Variants in PATE4 observed in about 807,000 individuals in gnomAD.
The protein encoded by PATE4 is prostate and testis expressed 4.
A neutral mutation model predicts 8.5 loss-of-function variants in PATE4; 13 were observed. That is an observed-to-expected ratio of 1.53 (90% confidence interval 1.00 to 2.43). The LOEUF is 2.43. Among genes scored for constraint, PATE4 ranks in the 30% most tolerant of loss-of-function variants. The pLI, the probability that PATE4 is intolerant of heterozygous loss-of-function variation, is 0.00. For synonymous variants in PATE4, 47 were observed against 39.3 expected, an observed-to-expected ratio of 1.20 and a Z score of -0.73; for missense variants, 127 against 115.5, an observed-to-expected ratio of 1.10 and a Z score of -0.46.
At position 125,839,325 on chromosome 11, in the gene PATE4, A is replaced by G. The variant is rs1170995018; in HGVS notation, c.*898A>G. 2 of 152,250 alleles carry G rather than the reference A, an allele frequency of 1.3e-5. No individual in the cohort carries two copies. Among genetic ancestry groups the G allele is most frequent in the African/African-American group, 4.8e-5 (2 of 41,458 alleles). The allele number at this position is 152,250 out of a possible 1,614,324, so 9.4% of individuals were successfully genotyped here. A position where few individuals can be genotyped will look rare whatever the true frequency, so the allele number is the denominator to read the frequency against. On this transcript the variant is annotated 3_prime_UTR_variant, in exon 3 of 3. Transcript: ENST00000457514. ...TGACCTGCAGGAAGAGAGGAATAAC[A>G]GAGCACATGCTATGAATAAATGTGG... is the stretch of plus-strand genomic sequence containing the variant.
chr11:125,838,165 T>TA, intron 2 of PATE4, 141 bp from the exon 3 acceptor site: 1 of 1,078,626 alleles, frequency 9.3e-7, no homozygotes, highest in Non-Finnish European at 1.3e-6. Context: ...CAGAGCCAGT[T>TA]ACGGTGGCGA....
At chr11:125,835,624 C>A (rs1364932749) in intron 1 of PATE4, 1 of 152,094 alleles carries the variant, frequency 6.6e-6, no homozygotes, top group Non-Finnish European at 1.5e-5. Context: ...CCTGAAGAAC[C>A]CGCAAATGTT....
rs1943945844 is a variant in PATE4 at position 125,839,584 on chromosome 11, T to C, written c.*1157T>C. 6.6e-6 allele frequency: 1 copy of C among 152,640 alleles called. No individual in the cohort carries two copies. Among genetic ancestry groups the C allele is most frequent in the Non-Finnish European group, 1.5e-5 (1 of 68,426 alleles). 9.5% of individuals were successfully genotyped at this position (152,640 alleles called of 1,614,324 possible). ...AGGACATACCCACGACTGGGCAATT[T>C]ACGAAAGAAAGGGGTTTATCGGACT... On this transcript the variant is annotated 3_prime_UTR_variant, in exon 3 of 3. Transcript: ENST00000457514.
Position 125,833,346 on chromosome 11 carries a change from C to T in PATE4, c.-14C>T. ...CTCACTCAGCACACCGTCTGTCACC[C>T]AAACAAGCATCCAATGAGGAAAATG... On this transcript the variant is annotated 5_prime_UTR_variant, in exon 1 of 3. Transcript: ENST00000457514. 6.4e-7 allele frequency: 1 copy of T among 1,551,268 alleles called. No individual in the cohort carries two copies. Among genetic ancestry groups the T allele is most frequent in the African/African-American group, 1.4e-5 (1 of 73,152 alleles).
rs1943943081 is a variant in PATE4, at chr11:125,839,315, G to C, written c.*888G>C. 6.6e-6 allele frequency: 1 copy of C among 152,250 alleles called. No homozygotes were observed. Among genetic ancestry groups the C allele is most frequent in the South Asian group, 2.1e-4 (1 of 4,826 alleles). The allele number at this position is 152,250 out of a possible 1,614,324, so 9.4% of individuals were successfully genotyped here. A position where few individuals can be genotyped will look rare whatever the true frequency, so the allele number is the denominator to read the frequency against. On this transcript the variant is annotated 3_prime_UTR_variant, in exon 3 of 3. Coordinates refer to ENST00000457514, the MANE Select transcript of PATE4 (RefSeq NM_001144874.1). ...GGGCTTACAGTGACCTGCAGGAAGA[G>C]AGGAATAACAGAGCACATGCTATGA...
At chr11:125,837,757 A>G (rs1333035930) in intron 1 of PATE4, 111 bp from the exon 2 acceptor site, 5 of 651,866 alleles carry the variant, frequency 7.7e-6, no homozygotes, top group Admixed American at 2.7e-5. Flanking sequence ...ATACCAGCTA[A>G]TGGAGTGAGT....
chr11:125,837,709 C>T (rs1192930661), intron 1 of PATE4, among the ~76,000 whole-genome samples, 159 bp from the exon 2 acceptor site: 30 of 152,172 alleles, frequency 2.0e-4, no homozygotes. Flanking sequence ...CACCTCCTAG[C>T]TTAACTTACA....
chr11:125,833,733 C>T (rs561626628), intron 1 of PATE4, among the ~76,000 whole-genome samples: 2 of 152,256 alleles, frequency 1.3e-5, no homozygotes, highest in East Asian at 3.9e-4. Context: ...TTCCTTTCCT[C>T]TGGCTACTTC....
At chr11:125,834,246 A>G (rs958077289) in intron 1 of PATE4, among the ~76,000 whole-genome samples, 1 of 152,218 alleles carries the variant, frequency 6.6e-6, no homozygotes, top group African/African-American at 2.4e-5. Context: ...CATGAATATC[A>G]AAATATTCCT....
At chr11:125,833,680 TA>T (rs1272334821) in intron 1 of PATE4, among the ~76,000 whole-genome samples, 1 of 152,192 alleles carries the variant, frequency 6.6e-6, no homozygotes, top group Non-Finnish European at 1.5e-5. Context: ...CTTTCTTTCT[TA>T]ATATACTTTT....
chr11:125,838,076 C>T (rs1229995940), intron 2 of PATE4, 92 bp downstream of exon 2: 1 of 1,107,318 alleles, frequency 9.0e-7, no homozygotes, highest in Non-Finnish European at 1.3e-6. Context: ...TCATTTAGCT[C>T]TGCTAGGAGG....
chr11:125,835,719 T>C (rs184431352), intron 1 of PATE4: 6 of 152,254 alleles, frequency 3.9e-5, no homozygotes, highest in African/African-American at 1.2e-4. Flanking sequence ...GTCCAAGAGA[T>C]TGGGTTTTAA....
intron 1 of PATE4, among the ~76,000 whole-genome samples, chr11:125,837,565 T>C (rs1943929573): frequency 2.0e-5 from 3 of 152,238 alleles, no homozygotes; most frequent in South Asian, 2.1e-4. Context: ...ATACTCTTAA[T>C]TGGCATCACA....
At chr11:125,837,421 C>T (rs12277148) in intron 1 of PATE4, among the ~76,000 whole-genome samples, 3,502 of 152,236 alleles carry the variant, frequency 0.023, 129 homozygotes, top group African/African-American at 0.078. Flanking sequence ...ACTATGACTA[C>T]CTATCTGGAA....
Position 125,837,989 on chromosome 11 carries a change from G to T in PATE4, c.175+5G>T. The stretch of plus-strand genomic sequence containing the variant: ...CAACAACAGCCTATTTCAGGGGTAA[G>T]TGGGGCTCATGAAGACTCCAAAATT... On this transcript the variant is annotated splice_donor_5th_base_variant and intron_variant, in intron 2 of 2. Transcript: ENST00000457514. 1 of 1,548,840 alleles carries T rather than the reference G, an allele frequency of 6.5e-7. No homozygotes were observed. Among genetic ancestry groups the T allele is most frequent in the South Asian group, 1.2e-5 (1 of 83,974 alleles).
chr11:125,836,555 C>T lies in PATE4; in HGVS notation c.59-1313C>T, dbSNP rs552729155. 2.6e-4 allele frequency among the ~76,000 whole-genome samples: 40 copies of T among 152,288 alleles called. No individual in the cohort carries two copies. The South Asian group carries it at 7.9e-3, about 30-fold the overall frequency. Reference sequence around the variant, plus strand: ...AATGTTCTTCACTGTGCCCATACCACACCACCCACTTACCTGGCTGACTCT... The same window carrying T: ...AATGTTCTTCACTGTGCCCATACCATACCACCCACTTACCTGGCTGACTCT... On this transcript the variant is annotated intron_variant, in intron 1 of 2. Transcript: ENST00000457514.
chr11:125,833,350 C>G lies in PATE4; in HGVS notation c.-10C>G, dbSNP rs1348953965. On this transcript the variant is annotated 5_prime_UTR_variant, in exon 1 of 3. Transcript: ENST00000457514. ...CTCAGCACACCGTCTGTCACCCAAA[C>G]AAGCATCCAATGAGGAAAATGAACA... 1 of 1,551,244 alleles carries G rather than the reference C, an allele frequency of 6.4e-7. No individual in the cohort carries two copies. Among genetic ancestry groups the G allele is most frequent in the African/African-American group, 1.4e-5 (1 of 73,042 alleles).
At chr11:125,835,999 G>A (rs1215731251) in intron 1 of PATE4, 1 of 152,196 alleles carries the variant, frequency 6.6e-6, no homozygotes, top group African/African-American at 2.4e-5. Flanking sequence ...CATGCATACA[G>A]GGAGAGCGGG....
At chr11:125,837,394 CCT>C (rs1483518506) in intron 1 of PATE4, among the ~76,000 whole-genome samples, 1 of 152,106 alleles carries the variant, frequency 6.6e-6, no homozygotes, top group African/African-American at 2.4e-5. Context: ...TTCATTCCTA[CCT>C]CTGTGTTCTC....
Sources: allele counts gnomAD v4.1 joint callset (sites outside exome capture counted in the v4.1 genomes callset), GRCh38; gene constraint gnomAD v4.1.1; transcripts MANE v1.5; gene names NCBI Gene and HGNC (gene_info 2026-07-23, HGNC 2026-07-21).